Variants in PGK1 observed in about 807,000 individuals in gnomAD.
The protein encoded by PGK1 is phosphoglycerate kinase 1.
PGK1 carries 3 observed loss-of-function variants against 26.9 expected under a neutral mutation model. The observed-to-expected ratio is 0.11, with a 90% CI of 0.05 to 0.29. The LOEUF is 0.29. PGK1 is among the 10% of genes least tolerant of loss of function. The probability of loss-of-function intolerance (pLI) is 1.00; values close to 1 mark genes in which losing one functional copy is unlikely to be tolerated. For missense variants in PGK1, 270 were observed against 314.7 expected (o/e 0.86, Z 1.07); for synonymous variants, 125 against 115.3 (o/e 1.08, Z -0.54).
intron 4 of PGK1, 84 bp downstream of exon 4, chrX:78,114,244 T>A: frequency 2.1e-6 from 2 of 961,847 alleles, no homozygotes; most frequent in Non-Finnish European, 3.0e-6. Context: ...AAAGCTCATT[T>A]ATTTTAACTT....
intron 2 of PGK1, among the ~76,000 whole-genome samples, chrX:78,113,304 A>T (rs1217988901): frequency 1.8e-5 from 2 of 111,149 alleles, no homozygotes; most frequent in African/African-American, 6.6e-5. Flanking sequence ...CTGTCTCAAC[A>T]AAAAAAGGAA....
Position 78,123,306 on chromosome X carries a change from G to A in PGK1, c.868G>A (p.Asp290Asn). The A allele has an allele frequency of 3.3e-6, 4 of 1,209,347 alleles. No individual in the cohort carries two copies. Among genetic ancestry groups the A allele is most frequent in the Non-Finnish European group, 4.5e-6 (4 of 893,361 alleles). Residue 290 changes from aspartate to asparagine, a missense_variant, in exon 8 of 11, where the codon GAC becomes AAC. Coordinates refer to ENST00000373316, the MANE Select transcript of PGK1 (RefSeq NM_000291.4). The part of the protein sequence containing the change: ...ITLPVDFVTA[D>N]KFDENAKTGQ... Reference sequence around the variant, plus strand: ...CTTGCCTGTTGACTTTGTCACTGCTGACAAGTTTGATGAGAATGCCAAGAC... The same window carrying A: ...CTTGCCTGTTGACTTTGTCACTGCTAACAAGTTTGATGAGAATGCCAAGAC...
Position 78,125,981 on chromosome X carries a change from C to T in PGK1, c.*151C>T. On this transcript the variant is annotated 3_prime_UTR_variant, in exon 11 of 11. Transcript: ENST00000373316. ...CAGGAACCCTTAAACAGTTGCACAG[C>T]ATCTCAGCTCATCTTCACTGCACCC... 3 of 537,437 alleles carry T rather than the reference C, an allele frequency of 5.6e-6. No individual in the cohort carries two copies. The highest frequency in any genetic ancestry group is 1.0e-5 in the Non-Finnish European group (3 of 298,488). The allele number at this position is 537,437 out of a possible 1,213,427, so 44.3% of individuals were successfully genotyped here.
chrX:78,106,415 C>T, intron 1 of PGK1: 1 of 749,291 alleles, frequency 1.3e-6, no homozygotes, highest in Non-Finnish European at 1.6e-6. Context: ...ACATGGTTCC[C>T]TGATTATTAA....
At chrX:78,108,944 G>GA (rs1303760533) in intron 1 of PGK1, among the ~76,000 whole-genome samples, 3 of 111,788 alleles carry the variant, frequency 2.7e-5, no homozygotes, top group Non-Finnish European at 5.6e-5. Flanking sequence ...ATCCCGATGA[G>GA]AAAAAAATCA....
chrX:78,125,239 T>C, intron 9 of PGK1, 88 bp from the exon 10 acceptor site: 1 of 798,691 alleles, frequency 1.3e-6, no homozygotes, highest in Non-Finnish European at 1.9e-6. Flanking sequence ...CCTTTTGGGT[T>C]GGGGAGCACA....
intron 8 of PGK1, among the ~76,000 whole-genome samples, 169 bp from the exon 9 acceptor site, chrX:78,124,705 A>G (rs1017258064): frequency 4.5e-5 from 5 of 111,947 alleles, no homozygotes; most frequent in Non-Finnish European, 9.4e-5. Flanking sequence ...TCTTCCATAC[A>G]GTAGAATTTT....
chrX:78,109,662 A>C (rs2078290406), intron 1 of PGK1, among the ~76,000 whole-genome samples: 1 of 110,373 alleles, frequency 9.1e-6, no homozygotes, highest in African/African-American at 3.3e-5. Context: ...CATTACCAGA[A>C]CCCCAAAGCC....
At chrX:78,105,580 C>T (rs782630858) in intron 1 of PGK1, among the ~76,000 whole-genome samples, 2 of 111,396 alleles carry the variant, frequency 1.8e-5, no homozygotes, top group Non-Finnish European at 3.8e-5. Context: ...TAGGAGATCT[C>T]CCTTTACTCT....
rs2078365093 is a variant in PGK1, at chrX:78,123,187, C to G, written c.757-8C>G. On this transcript the variant is annotated splice_polypyrimidine_tract_variant and splice_region_variant and intron_variant, in intron 7 of 10. Transcript: ENST00000373316. ...GCTGACCTCCATCATTTTGGCTCCC[C>G]TGTGTAGATTGGCACTTCTCTGTTT... The G allele has an allele frequency of 8.3e-7, 1 of 1,201,186 alleles. No individual in the cohort carries two copies. The highest frequency in any genetic ancestry group is 1.7e-5 in the African/African-American group (1 of 57,572).
Position 78,124,998 on chromosome X carries a change from C to T in PGK1, c.1061C>T (p.Ala354Val). 8.3e-7 allele frequency: 1 copy of T among 1,210,595 alleles called. No homozygotes were observed. The highest frequency in any genetic ancestry group is 1.1e-6 in the Non-Finnish European group (1 of 894,548). Residue 354 changes from alanine to valine, a missense_variant, in exon 9 of 11, where the codon GCT becomes GTT. Around this residue, in one of 3 missense-constraint regions of PGK1, gnomAD observed 103 missense variants for 114.6 expected, o/e 0.90. Coordinates refer to ENST00000373316, the MANE Select transcript of PGK1 (RefSeq NM_000291.4). The stretch of plus-strand genomic sequence containing the variant: ...GAAGCTTTTGCCCGGGGAACCAAAG[C>T]TCTCATGGATGAGGTGGTGAAAGCC... The part of the protein sequence containing the change: ...EWEAFARGTK[A>V]LMDEVVKATS...
Position 78,104,265 on chromosome X carries a change from C to A in PGK1, c.-76C>A, listed in dbSNP as rs1346885008. On this transcript the variant is annotated 5_prime_UTR_variant, in exon 1 of 11. Transcript: ENST00000373316. The stretch of plus-strand genomic sequence containing the variant: ...CGCGCGGTGTTCCGCATTCTGCAAG[C>A]CTCCGGAGCGCACGTCGGCAGTCGG... 5 of 771,573 alleles carry A rather than the reference C, an allele frequency of 6.5e-6. No individual in the cohort carries two copies. Among genetic ancestry groups the A allele is most frequent in the East Asian group, 6.4e-5 (2 of 31,363 alleles). 63.6% of individuals were successfully genotyped at this position (771,573 alleles called of 1,213,427 possible). A position where few individuals can be genotyped will look rare whatever the true frequency, so the allele number is the denominator to read the frequency against.
At chrX:78,114,925 AT>A (rs1370041104) in intron 4 of PGK1, among the ~76,000 whole-genome samples, 3 of 112,323 alleles carry the variant, frequency 2.7e-5, no homozygotes, top group Non-Finnish European at 3.8e-5. Context: ...AGCTGAAGGC[AT>A]TTTTTAGTAC....
chrX:78,108,632 T>G (rs1176540260), intron 1 of PGK1, among the ~76,000 whole-genome samples: 1 of 111,883 alleles, frequency 8.9e-6, no homozygotes, highest in African/African-American at 3.3e-5. Flanking sequence ...TAGGAGTTTG[T>G]AATTGCCTTA....
chrX:78,106,266 C>T (rs1348777895), intron 1 of PGK1: 3 of 251,512 alleles, frequency 1.2e-5, no homozygotes, highest in African/African-American at 9.0e-5. Context: ...GGTGGCAGAG[C>T]TAGGAGTAGA....
At chrX:78,105,761 C>T (rs1181614243) in intron 1 of PGK1, among the ~76,000 whole-genome samples, 2 of 111,626 alleles carry the variant, frequency 1.8e-5, no homozygotes, top group African/African-American at 3.3e-5. Context: ...TGAAAAATAC[C>T]TGGTTTCCAC....
chrX:78,104,633 A>G (rs1305797230), intron 1 of PGK1, among the ~76,000 whole-genome samples: 2 of 111,278 alleles, frequency 1.8e-5, no homozygotes, highest in Non-Finnish European at 3.8e-5. Flanking sequence ...CCCACTGAGG[A>G]AGGGCTGAGA....
chrX:78,123,586 G>A (rs1429553901), intron 8 of PGK1, among the ~76,000 whole-genome samples: 1 of 110,033 alleles, frequency 9.1e-6, no homozygotes, highest in Non-Finnish European at 1.9e-5. Flanking sequence ...ATGCAGTAAT[G>A]TGTTGCAAAA....
Position 78,117,357 on chromosome X carries a change from T to C in PGK1, c.463T>C (p.Ser155Pro). 1 of 1,208,694 alleles carries C rather than the reference T, an allele frequency of 8.3e-7. No homozygotes were observed. Among genetic ancestry groups the C allele is most frequent in the Non-Finnish European group, 1.1e-6 (1 of 892,616 alleles). The change falls in exon 5 of 11, where the codon TCC becomes CCC. Residue 155 changes from serine to proline, a missense_variant. Around this residue, in one of 3 missense-constraint regions of PGK1, gnomAD observed 150 missense variants for 154.6 expected, o/e 0.97. Coordinates refer to ENST00000373316, the MANE Select transcript of PGK1 (RefSeq NM_000291.4). ...AATAGAAGCTTTCCGAGCTTCACTT[T>C]CCAAGCTAGGGGATGTCTATGTCAA... ...AKIEAFRASL[S>P]KLGDVYVNDA... is the part of the protein sequence containing the mutation.
Sources: gnomAD v4.1 joint callset for allele counts (sites outside exome capture counted in the v4.1 genomes callset) on GRCh38, gnomAD v4.1.1 for gene constraint, gnomAD v4.1.1 regional missense constraint, MANE v1.5 for transcripts, NCBI Gene and HGNC (gene_info 2026-07-23, HGNC 2026-07-21) for gene names.